Variants in PDE4D observed in about 807,000 individuals in gnomAD.
PDE4D encodes the protein 3',5'-cyclic-AMP phosphodiesterase 4D.
Under a neutral mutation model 87.4 loss-of-function variants are expected in PDE4D, and 24 were observed. The observed-to-expected ratio is 0.27, with a 90% CI of 0.20 to 0.39. The LOEUF is 0.39. Among genes scored for constraint, PDE4D ranks in the 10% least tolerant of loss-of-function variants. The pLI, the probability that PDE4D is intolerant of heterozygous loss-of-function variation, is 1.00. For missense variants in PDE4D, 714 were observed against 1,041.0 expected, an observed-to-expected ratio of 0.69 and a Z score of 4.32; for synonymous variants, 384 against 383.2, an observed-to-expected ratio of 1.00 and a Z score of -0.02.
chr5:59,745,528 T>C (rs958971880), intron 1 of PDE4D, among the ~76,000 whole-genome samples: 6 of 152,160 alleles, frequency 3.9e-5, no homozygotes, highest in African/African-American at 9.7e-5. Flanking sequence ...TTCTGGACAG[T>C]GTGTTGAAAT....
At chr5:59,043,655 A>G (rs1181995376) in intron 5 of PDE4D, among the ~76,000 whole-genome samples, 1 of 152,216 alleles carries the variant, frequency 6.6e-6, no homozygotes. Context: ...TGCTGCACCC[A>G]TTAACTCCTC....
chr5:60,379,790 C>A (rs1678385581), intron 1 of PDE4D, among the ~76,000 whole-genome samples: 1 of 152,142 alleles, frequency 6.6e-6, no homozygotes, highest in African/African-American at 2.4e-5. Flanking sequence ...GGCTTGTGAG[C>A]AAAGCATGGA....
intron 2 of PDE4D, among the ~76,000 whole-genome samples, chr5:59,199,810 C>T (rs1042110594): frequency 1.3e-5 from 2 of 151,930 alleles, no homozygotes; most frequent in African/African-American, 4.8e-5. Context: ...TATAATGTAA[C>T]CTACTTGATC....
chr5:60,202,728 A>G lies in PDE4D; in HGVS notation c.-89-17041T>C, dbSNP rs191996554. Among the ~76,000 whole-genome samples, 82 of 152,262 alleles carry G rather than the reference A, an allele frequency of 5.4e-4. 1 individual carries two copies. The East Asian group carries it at 0.013, about 25-fold the overall frequency. ...CCATGCGAGAAAACAAATGAATAAAAAATAAAATAAGGAGATGCCTATTTT... is the reference window on the plus strand; with the variant it reads ...CCATGCGAGAAAACAAATGAATAAAGAATAAAATAAGGAGATGCCTATTTT... On this transcript the variant is annotated intron_variant, in intron 1 of 16. Coordinates refer to the PDE4D transcript ENST00000502484.
At chr5:60,090,354 G>A (rs1462621760) in intron 2 of PDE4D, among the ~76,000 whole-genome samples, 1 of 151,992 alleles carries the variant, frequency 6.6e-6, no homozygotes, top group Non-Finnish European at 1.5e-5. Flanking sequence ...TTTATCCCAG[G>A]GTTGCAGGGA....
intron 1 of PDE4D, among the ~76,000 whole-genome samples, chr5:59,486,524 G>C (rs895395046): frequency 1.3e-5 from 2 of 152,054 alleles, no homozygotes; most frequent in Non-Finnish European, 2.9e-5. Context: ...CTTCCCATGT[G>C]CCCTATTGCA....
intron 1 of PDE4D, among the ~76,000 whole-genome samples, chr5:59,560,113 A>T (rs921342937): frequency 1.2e-4 from 18 of 152,302 alleles, no homozygotes; most frequent in Admixed American, 1.3e-4. Flanking sequence ...GGCAGTGAAT[A>T]CTCCGAAGAA....
intron 1 of PDE4D, among the ~76,000 whole-genome samples, chr5:59,878,967 C>T (rs867398147): frequency 4.4e-5 from 6 of 137,266 alleles, no homozygotes; most frequent in Admixed American, 1.6e-4. Flanking sequence ...GACGCGATCT[C>T]GGCTCACTGC....
rs1554041495 is a variant in PDE4D, at chr5:60,474,117, T to TAAC, written c.-90+13824_-90+13825insGTT. On this transcript the variant is annotated intron_variant, in intron 1 of 16. Coordinates refer to the PDE4D transcript ENST00000502484. Reference sequence around the variant, plus strand: ...CCCTTTGAGCTGCCATATATATATATATATATATATATATATATATATATA... The same window carrying TAAC: ...CCCTTTGAGCTGCCATATATATATATAACATATATATATATATATATATATATA... Among the ~76,000 whole-genome samples the TAAC allele has an allele frequency of 5.5e-5, 4 of 72,932 alleles. 1 individual carries two copies. The highest frequency in any genetic ancestry group is 2.6e-4 in the African/African-American group (3 of 11,410). 47.8% of individuals were successfully genotyped at this position (72,932 alleles called of 152,430 possible). A position where few individuals can be genotyped will look rare whatever the true frequency, so the allele number is the denominator to read the frequency against.
intron 1 of PDE4D, among the ~76,000 whole-genome samples, chr5:59,421,963 T>G (rs948536210): frequency 6.6e-6 from 1 of 152,196 alleles, no homozygotes; most frequent in Admixed American, 6.5e-5. Flanking sequence ...GCTTCAACCT[T>G]GTTTCCATGG....
chr5:59,616,945 A>ATATATC lies in PDE4D; in HGVS notation c.455+276222_455+276223insGATATA, dbSNP rs936160133. On this transcript the variant is annotated intron_variant, in intron 1 of 14. Coordinates refer to ENST00000340635, the MANE Select transcript of PDE4D (RefSeq NM_001104631.2). ...TATATATATATATATATATATATATATCTCCAAGATTTTAAAGTATTAGGT... is the reference window on the plus strand; with the variant it reads ...TATATATATATATATATATATATATATATATCTCTCCAAGATTTTAAAGTATTAGGT... Among the ~76,000 whole-genome samples the ATATATC allele has an allele frequency of 2.7e-4, 37 of 137,256 alleles. 1 individual carries two copies. Among genetic ancestry groups the ATATATC allele is most frequent in the Admixed American group, 8.9e-4 (12 of 13,512 alleles). 90.0% of individuals were successfully genotyped at this position (137,256 alleles called of 152,430 possible).
At chr5:59,580,960 AG>A (rs1824019527) in intron 1 of PDE4D, among the ~76,000 whole-genome samples, 1 of 152,054 alleles carries the variant, frequency 6.6e-6, no homozygotes, top group Admixed American at 6.6e-5. Context: ...TCATATATGG[AG>A]AGATATATAT....
intron 1 of PDE4D, among the ~76,000 whole-genome samples, chr5:59,373,336 C>A (rs1784232114): frequency 6.6e-6 from 1 of 152,116 alleles, no homozygotes; most frequent in South Asian, 2.1e-4. Flanking sequence ...AAGAATGTCA[C>A]CAACCTGATA....
intron 1 of PDE4D, among the ~76,000 whole-genome samples, chr5:59,800,345 G>A (rs757745755): frequency 1.9e-4 from 29 of 152,142 alleles, no homozygotes; most frequent in Non-Finnish European, 2.4e-4. Flanking sequence ...AACAACCAAT[G>A]AAAAGATGTT....
chr5:60,178,198 A>T (rs1784095492), intron 2 of PDE4D, among the ~76,000 whole-genome samples: 1 of 152,174 alleles, frequency 6.6e-6, no homozygotes, highest in Non-Finnish European at 1.5e-5. Context: ...ACTTACGTCT[A>T]TTCTGAGTCA....
Position 59,191,793 on chromosome 5 carries a change from A to T in PDE4D, c.684+1707T>A, listed in dbSNP as rs143768418. 9.5e-3 allele frequency among the ~76,000 whole-genome samples: 1,447 copies of T among 151,906 alleles called. 20 individuals carry two copies. The highest frequency in any genetic ancestry group is 0.032 in the African/African-American group (1,334 of 41,384). ...ATCAAGTTGGCCAGGCTGGTCTCGA[A>T]CTCCTGACCTCAGGTGATCCACCCA... On this transcript the variant is annotated intron_variant, in intron 3 of 14. Transcript: ENST00000340635.
At chr5:59,414,439 A>T (rs1793244356) in intron 1 of PDE4D, among the ~76,000 whole-genome samples, 1 of 152,226 alleles carries the variant, frequency 6.6e-6, no homozygotes, top group East Asian at 1.9e-4. Flanking sequence ...GGGCAGATCA[A>T]GAAGAATGCA....
chr5:59,472,468 T>C (rs1802603626), intron 1 of PDE4D, among the ~76,000 whole-genome samples: 1 of 152,192 alleles, frequency 6.6e-6, no homozygotes, highest in South Asian at 2.1e-4. Flanking sequence ...TTGCTAACAT[T>C]GCTCTTGAAC....
At chr5:59,433,349 C>G (rs1281881410) in intron 1 of PDE4D, among the ~76,000 whole-genome samples, 1 of 151,980 alleles carries the variant, frequency 6.6e-6, no homozygotes, top group Non-Finnish European at 1.5e-5. Context: ...CTGGCAGGGG[C>G]TCCTGGGGAT....
Sources: allele counts gnomAD v4.1 joint callset (sites outside exome capture counted in the v4.1 genomes callset), GRCh38; gene constraint gnomAD v4.1.1; transcripts MANE v1.5; gene names NCBI Gene and HGNC (gene_info 2026-07-23, HGNC 2026-07-21).